Variants in ZNF695 observed in about 807,000 individuals in gnomAD.
ZNF695 encodes zinc finger protein SBZF3.
Under a neutral mutation model 11.2 loss-of-function variants are expected in ZNF695, and 11 were observed. That is an observed-to-expected ratio of 0.98 (90% confidence interval 0.62 to 1.62). ZNF695 has a LOEUF of 1.62. ZNF695 is among the 40% of genes most tolerant of loss of function. ZNF695 has a pLI of 0.00. For missense variants in ZNF695, 559 were observed against 590.5 expected (o/e 0.95, Z 0.55); for synonymous variants, 190 against 201.4 (o/e 0.94, Z 0.48).
intron 4 of ZNF695, among the ~76,000 whole-genome samples, chr1:246,976,596 C>T (rs540673739): frequency 1.3e-5 from 2 of 151,686 alleles, no homozygotes; most frequent in Admixed American, 6.6e-5. Flanking sequence ...AGATCGAGAC[C>T]ATCCTGGCTA....
intron 1 of ZNF695, among the ~76,000 whole-genome samples, chr1:247,000,777 T>G (rs1304855219): frequency 1.3e-5 from 2 of 152,202 alleles, no homozygotes; most frequent in African/African-American, 2.4e-5. Context: ...GTAGGAATCT[T>G]GTTAAAATGC....
chr1:246,969,005 T>C (rs1668356991), intron 4 of ZNF695: 1 of 152,268 alleles, frequency 6.6e-6, no homozygotes, highest in African/African-American at 2.4e-5. Context: ...GGGGGCATTT[T>C]TCCCATTGTC....
chr1:246,945,573 A>T, downstream of ZNF695: 1 of 522,378 alleles, frequency 1.9e-6, no homozygotes, highest in East Asian at 3.1e-5. Flanking sequence ...TTTTCTATTC[A>T]TGGAGTTAGG....
intron 3 of ZNF695, among the ~76,000 whole-genome samples, chr1:246,989,299 A>C (rs1221517574): frequency 1.3e-5 from 2 of 152,184 alleles, no homozygotes; most frequent in African/African-American, 4.8e-5. Flanking sequence ...CAAATCAAAA[A>C]TGATAACTAC....
intron 3 of ZNF695, among the ~76,000 whole-genome samples, chr1:246,989,187 C>T (rs1258707767): frequency 1.3e-5 from 2 of 151,724 alleles, no homozygotes; most frequent in African/African-American, 4.8e-5. Flanking sequence ...ATCGCTTGAA[C>T]CCGGGAGGTG....
chr1:246,960,089 G>A (rs1416919455), intron 5 of ZNF695, among the ~76,000 whole-genome samples: 1 of 152,142 alleles, frequency 6.6e-6, no homozygotes, highest in Non-Finnish European at 1.5e-5. Flanking sequence ...GAAAAACCCA[G>A]TTGAGAAGCT....
downstream of ZNF695, among the ~76,000 whole-genome samples, chr1:246,983,818 A>AAAAC (rs545442322): frequency 4.7e-5 from 7 of 150,328 alleles, no homozygotes; most frequent in East Asian, 2.0e-4. Context: ...ACTCAGTCTC[A>AAAAC]AAACAAACAA....
At chr1:246,978,606 T>G (rs1558311634) in intron 4 of ZNF695, among the ~76,000 whole-genome samples, 1 of 152,160 alleles carries the variant, frequency 6.6e-6, no homozygotes, top group African/African-American at 2.4e-5. Context: ...GTTCATACAT[T>G]TTTGGAGTTT....
At chr1:246,975,038 C>T (rs1263715172) in intron 4 of ZNF695, among the ~76,000 whole-genome samples, 1 of 152,162 alleles carries the variant, frequency 6.6e-6, no homozygotes, top group East Asian at 1.9e-4. Context: ...CTCACTGTAC[C>T]ATTATTCATT....
At chr1:246,969,994 C>T (rs1558308097) in intron 4 of ZNF695, among the ~76,000 whole-genome samples, 1 of 152,196 alleles carries the variant, frequency 6.6e-6, no homozygotes, top group Non-Finnish European at 1.5e-5. Flanking sequence ...GAACGCAGAG[C>T]CAAACCACAG....
chr1:246,966,561 G>C (rs1668296220), intron 5 of ZNF695, among the ~76,000 whole-genome samples: 2 of 152,106 alleles, frequency 1.3e-5, no homozygotes. Flanking sequence ...GAGGCAGGAG[G>C]ATCACTTGTG....
At chr1:246,966,949 A>G (rs927015701) in intron 5 of ZNF695, 19 of 427,578 alleles carry the variant, frequency 4.4e-5, no homozygotes, top group Non-Finnish European at 8.4e-5. Context: ...TGTTGTTTTT[A>G]TTTTTTGAGA....
In ZNF695 at chr1:246,976,778, A is replaced by G. The variant is rs561555178; in HGVS notation, c.391-8986T>C. Among the ~76,000 whole-genome samples, 5 of 152,228 alleles carry G rather than the reference A, an allele frequency of 3.3e-5. No homozygotes were observed. In the South Asian group the frequency reaches 6.2e-4, roughly 19 times the overall value. On this transcript the variant is annotated intron_variant, in intron 4 of 5. Coordinates refer to the ZNF695 transcript ENST00000487338. The stretch of plus-strand genomic sequence containing the variant: ...CACTGCACTCCAGCCTGGGCGACAG[A>G]GCGAAACTCCGTCTCAAATAAATAA...
intron 3 of ZNF695, among the ~76,000 whole-genome samples, chr1:246,990,160 A>T (rs1668986791): frequency 6.7e-6 from 1 of 149,708 alleles, no homozygotes; most frequent in African/African-American, 2.5e-5. Flanking sequence ...GGAGGAAGAG[A>T]GGAAAAGGAA....
chr1:247,004,939 AAC>A (rs1669491671), intron 1 of ZNF695, among the ~76,000 whole-genome samples: 1 of 152,242 alleles, frequency 6.6e-6, no homozygotes, highest in African/African-American at 2.4e-5. Flanking sequence ...CACACAAAAT[AAC>A]AGAAATATAT....
downstream of ZNF695, among the ~76,000 whole-genome samples, chr1:246,982,042 G>A (rs1668722796): frequency 6.6e-6 from 1 of 152,106 alleles, no homozygotes; most frequent in Admixed American, 6.6e-5. Flanking sequence ...AGGACGAGGT[G>A]GGCGGATCAC....
At chr1:246,949,924 G>A (rs1667832016) in intron 5 of ZNF695, among the ~76,000 whole-genome samples, 1 of 152,112 alleles carries the variant, frequency 6.6e-6, no homozygotes, top group South Asian at 2.1e-4. Context: ...AATGTATACA[G>A]AATTAATTCG....
At chr1:246,991,117 A>G (rs556695993) in intron 3 of ZNF695, among the ~76,000 whole-genome samples, 1 of 152,312 alleles carries the variant, frequency 6.6e-6, no homozygotes, top group Admixed American at 6.5e-5. Context: ...AGCAGAAATA[A>G]ATGAAATTAA....
chr1:246,997,367 G>A (rs1669242942), intron 3 of ZNF695, among the ~76,000 whole-genome samples: 1 of 152,102 alleles, frequency 6.6e-6, no homozygotes, highest in Non-Finnish European at 1.5e-5. Context: ...GCCAGATGTG[G>A]TGGCGGGCAC....
Sources: gnomAD v4.1 joint callset for allele counts (sites outside exome capture counted in the v4.1 genomes callset) on GRCh38, gnomAD v4.1.1 for gene constraint, MANE v1.5 for transcripts, NCBI Gene and HGNC (gene_info 2026-07-23, HGNC 2026-07-21) for gene names.